Variants in TRIM55 observed in about 807,000 individuals in gnomAD.
The protein encoded by TRIM55 is tripartite motif-containing protein 55.
Under a neutral mutation model 60.9 loss-of-function variants are expected in TRIM55, and 50 were observed. The ratio of observed to expected loss-of-function variants is 0.82; its 90% confidence interval spans 0.65 to 1.04. TRIM55 has a LOEUF of 1.04. Ranked by LOEUF, TRIM55 falls within the 50% of genes least tolerant of loss-of-function variation. The pLI is 0.00. For synonymous variants in TRIM55, 237 were observed against 238.1 expected, an observed-to-expected ratio of 1.00 and a Z score of 0.04; for missense variants, 681 against 666.9, an observed-to-expected ratio of 1.02 and a Z score of -0.23.
chr8:66,126,061 C>T (rs1261639566), upstream of TRIM55, among the ~76,000 whole-genome samples: 1 of 152,050 alleles, frequency 6.6e-6, no homozygotes, highest in Admixed American at 6.6e-5. Flanking sequence ...CAAGAGCAGA[C>T]CAAGAATATC....
At chr8:66,146,673 T>C (rs1810111719) in intron 4 of TRIM55, among the ~76,000 whole-genome samples, 1 of 152,248 alleles carries the variant, frequency 6.6e-6, no homozygotes, top group African/African-American at 2.4e-5. Flanking sequence ...GCTTATTTCA[T>C]GTGTACAGTG....
rs61760892 is a variant in TRIM55, at chr8:66,154,161, C to T, written c.1351C>T (p.Arg451Trp). Residue 451 changes from arginine (R) to tryptophan (W), a missense_variant, in exon 9 of 10, where the codon CGG becomes TGG. Physicochemically the swap from Arg to Trp is moderately radical, Grantham distance 101 (BLOSUM62 -3). Coordinates refer to ENST00000315962, the MANE Select transcript of TRIM55 (RefSeq NM_184085.2). ...CCCTAGTTGGTATAAAGGCCAAACC[C>T]GGAAAGCCACCACCAACCCACCTTG... ...FYPSWYKGQT[R>W]KATTNPPCTP... The T allele has an allele frequency of 2.9e-3, 4,701 of 1,614,106 alleles. 9 individuals are homozygous for T. Among genetic ancestry groups the T allele is most frequent in the Non-Finnish European group, 3.5e-3 (4,161 of 1,180,030 alleles).
At chr8:66,113,976 C>T in the TRIM55 span, among the ~76,000 whole-genome samples, 37 of 152,020 alleles carry the variant, frequency 2.4e-4, no homozygotes, top group South Asian at 1.5e-3. Flanking sequence ...ACCCGGGAAG[C>T]TGTGCCCGCT....
In TRIM55 at chr8:66,154,249, G is replaced by A. The variant is rs758591514; in HGVS notation, c.1439G>A (p.Arg480Gln). 27 of 1,614,014 alleles carry A rather than the reference G, an allele frequency of 1.7e-5. No homozygotes were observed. The highest frequency in any genetic ancestry group is 5.5e-5 in the South Asian group (5 of 91,088). ...GPPGSEDSNV[R>Q]KAEVAAAAAS... is the part of the protein sequence containing the mutation. Reference sequence around the variant, plus strand: ...CCAGGTTCTGAGGATTCGAATGTACGGAAGGCAGAAGTGGCAGCAGCCGCA... The same window carrying A: ...CCAGGTTCTGAGGATTCGAATGTACAGAAGGCAGAAGTGGCAGCAGCCGCA... The change falls in exon 9 of 10, where the codon CGG becomes CAG. Residue 480 changes from arginine to glutamine, a missense_variant. Transcript: ENST00000315962.
intron 2 of TRIM55, among the ~76,000 whole-genome samples, chr8:66,130,577 A>C (rs1809086614): frequency 1.3e-5 from 2 of 151,334 alleles, no homozygotes; most frequent in South Asian, 4.2e-4. Flanking sequence ...GGGGTGACCA[A>C]TCACAGACTG....
intron 9 of TRIM55, among the ~76,000 whole-genome samples, chr8:66,170,219 A>G (rs934667065): frequency 1.3e-5 from 2 of 152,224 alleles, no homozygotes; most frequent in South Asian, 4.1e-4. Context: ...GAAGCACTGT[A>G]CACATTAAAG....
intron 9 of TRIM55, among the ~76,000 whole-genome samples, chr8:66,165,879 A>G (rs1811302671): frequency 6.6e-6 from 1 of 152,212 alleles, no homozygotes; most frequent in East Asian, 1.9e-4. Flanking sequence ...AGTAAGTTTG[A>G]ATGAGACCTT....
At chr8:66,124,518 G>A (rs916525005), upstream of TRIM55, among the ~76,000 whole-genome samples, 2 of 151,998 alleles carry the variant, frequency 1.3e-5, no homozygotes, top group Non-Finnish European at 2.9e-5. Flanking sequence ...CTAACTACAC[G>A]TCCATCCCTC....
chr8:66,120,000 G>A, the TRIM55 span, among the ~76,000 whole-genome samples: 1 of 152,124 alleles, frequency 6.6e-6, no homozygotes, highest in Non-Finnish European at 1.5e-5. Flanking sequence ...GTGCAGCTTA[G>A]TGGGTGAGGT....
chr8:66,170,893 A>C (rs572579695), intron 9 of TRIM55, among the ~76,000 whole-genome samples: 152 of 152,288 alleles, frequency 1.0e-3, no homozygotes, highest in Non-Finnish European at 1.6e-3. Flanking sequence ...GGCAGAAGCA[A>C]CCTAAATCTA....
intron 4 of TRIM55, among the ~76,000 whole-genome samples, chr8:66,140,110 T>A (rs145236619): frequency 6.6e-6 from 1 of 152,344 alleles, no homozygotes; most frequent in African/African-American, 2.4e-5. Flanking sequence ...AAGTGGGCAG[T>A]AGGCTCTGCC....
At chr8:66,173,892 T>C (rs1420256349) in intron 9 of TRIM55, among the ~76,000 whole-genome samples, 2 of 152,132 alleles carry the variant, frequency 1.3e-5, no homozygotes, top group African/African-American at 2.4e-5. Flanking sequence ...GATATGGTTA[T>C]TAGATTTTAT....
Position 66,127,367 on chromosome 8 carries a change from C to T in TRIM55, c.99C>T (p.Phe33=). 2 of 1,614,144 alleles carry T rather than the reference C, an allele frequency of 1.2e-6. No homozygotes were observed. Among genetic ancestry groups the T allele is most frequent in the South Asian group, 1.1e-5 (1 of 91,078 alleles). Residue 33 remains phenylalanine (F), a synonymous_variant, in exon 1 of 10, where the codon TTC becomes TTT. Coordinates refer to ENST00000315962, the MANE Select transcript of TRIM55 (RefSeq NM_184085.2). ...TCTGTCCCATCTGCTTAGAGATGTT[C>T]ACGAAACCTGTGGTGATTCTCCCTT... The part of the protein sequence containing the change: ...QLICPICLEM[F]TKPVVILPCQ...
At chr8:66,145,120 C>A (rs1410167260) in intron 4 of TRIM55, among the ~76,000 whole-genome samples, 2 of 152,138 alleles carry the variant, frequency 1.3e-5, no homozygotes, top group Non-Finnish European at 2.9e-5. Context: ...ACTTTCACAG[C>A]ACTTTGATGG....
intron 9 of TRIM55, among the ~76,000 whole-genome samples, chr8:66,169,447 T>G (rs1387901725): frequency 2.0e-5 from 3 of 152,192 alleles, no homozygotes; most frequent in Non-Finnish European, 4.4e-5. Context: ...CTCATCACAT[T>G]TAACATAAAA....
At chr8:66,131,948 C>A (rs1809182327) in intron 2 of TRIM55, among the ~76,000 whole-genome samples, 1 of 152,186 alleles carries the variant, frequency 6.6e-6, no homozygotes, top group Non-Finnish European at 1.5e-5. Flanking sequence ...CCTCATTTCA[C>A]TGGGATTTCA....
chr8:66,155,711 G>A, intron 9 of TRIM55: 2 of 1,592,676 alleles, frequency 1.3e-6, no homozygotes, highest in Non-Finnish European at 8.6e-7. Flanking sequence ...ACTTTAATGG[G>A]TAGGAAATAT....
chr8:66,131,484 T>G (rs1386173535), intron 2 of TRIM55, among the ~76,000 whole-genome samples: 1 of 152,240 alleles, frequency 6.6e-6, no homozygotes, highest in Non-Finnish European at 1.5e-5. Flanking sequence ...CTGTAGACAA[T>G]TAGGACTGAG....
rs188409187 is a variant in TRIM55 at position 66,149,072 on chromosome 8, A to G, written c.604-573A>G. On this transcript the variant is annotated intron_variant, in intron 4 of 9. Transcript: ENST00000315962. ...TCAAAGAAGAAAGAAAGGAAAGAAC[A>G]AAAAAACATGATTAGAACTGTACTC... Among the ~76,000 whole-genome samples, 48 of 152,282 alleles carry G rather than the reference A, an allele frequency of 3.2e-4. No homozygotes were observed. The East Asian group carries it at 9.1e-3, about 29-fold the overall frequency.
Sources: gnomAD v4.1 joint callset for allele counts (sites outside exome capture counted in the v4.1 genomes callset) on GRCh38, gnomAD v4.1.1 for gene constraint, MANE v1.5 for transcripts, NCBI Gene and HGNC (gene_info 2026-07-23, HGNC 2026-07-21) for gene names.